The following FAM107B variants were observed in gnomAD, a reference collection of about 807,000 sequenced individuals.
FAM107B encodes the protein family with sequence similarity 107 member B.
A neutral mutation model predicts 31.5 loss-of-function variants in FAM107B; 21 were observed. That is an observed-to-expected ratio of 0.67 (90% confidence interval 0.47 to 0.96). FAM107B has a LOEUF of 0.96. FAM107B is among the 40% of genes least tolerant of loss of function. The probability of loss-of-function intolerance (pLI) is 0.00; values close to 1 mark genes in which losing one functional copy is unlikely to be tolerated. For synonymous variants in FAM107B, 157 were observed against 141.5 expected (o/e 1.11, Z -0.78); for missense variants, 452 against 377.1 (o/e 1.20, Z -1.64).
chr10:14,566,874 G>A (rs562636944), intron 2 of FAM107B, among the ~76,000 whole-genome samples: 27 of 152,302 alleles, frequency 1.8e-4, no homozygotes, highest in Non-Finnish European at 2.2e-4. Flanking sequence ...AGGTGGGGCC[G>A]GGCGCGGTGG....
chr10:14,551,396 T>C (rs1849249686), intron 2 of FAM107B, among the ~76,000 whole-genome samples: 1 of 152,112 alleles, frequency 6.6e-6, no homozygotes, highest in Non-Finnish European at 1.5e-5. Context: ...CTGCCCGCCT[T>C]GGTCTCCCAA....
intron 1 of FAM107B, among the ~76,000 whole-genome samples, chr10:14,727,713 G>T (rs1205700043): frequency 6.6e-6 from 1 of 152,060 alleles, no homozygotes; most frequent in African/African-American, 2.4e-5. Context: ...TCCCTTCCTC[G>T]AATCACTTCC....
chr10:14,592,662 T>C (rs929731294), intron 2 of FAM107B, among the ~76,000 whole-genome samples: 1 of 152,224 alleles, frequency 6.6e-6, no homozygotes, highest in African/African-American at 2.4e-5. Flanking sequence ...CCCTGCAATT[T>C]CAATTTTACT....
At chr10:14,720,801 C>G (rs1196878196) in intron 1 of FAM107B, among the ~76,000 whole-genome samples, 1 of 152,090 alleles carries the variant, frequency 6.6e-6, no homozygotes, top group African/African-American at 2.4e-5. Context: ...TTTCCCCTCC[C>G]TGTAGAATAT....
intron 1 of FAM107B, among the ~76,000 whole-genome samples, chr10:14,745,578 C>T (rs887363700): frequency 1.3e-5 from 2 of 152,144 alleles, no homozygotes; most frequent in African/African-American, 2.4e-5. Context: ...CATTCAGGAG[C>T]AAATTGTTCG....
chr10:14,766,727 C>T (rs1833169612), intron 1 of FAM107B, among the ~76,000 whole-genome samples: 1 of 151,526 alleles, frequency 6.6e-6, no homozygotes, highest in African/African-American at 2.4e-5. Flanking sequence ...ATCAAAGTAG[C>T]CCCTCTTCAC....
At chr10:14,577,776 C>T (rs1364310130) in intron 2 of FAM107B, among the ~76,000 whole-genome samples, 1 of 152,144 alleles carries the variant, frequency 6.6e-6, no homozygotes, top group East Asian at 1.9e-4. Flanking sequence ...ATGTTTTTAA[C>T]CCCCAATGTG....
intron 1 of FAM107B, among the ~76,000 whole-genome samples, chr10:14,720,132 T>C (rs1204100422): frequency 6.6e-6 from 1 of 152,228 alleles, no homozygotes; most frequent in East Asian, 1.9e-4. Flanking sequence ...ATGAAAGAGC[T>C]AGACTAGATG....
At chr10:14,543,350 G>C (rs542658666) in intron 2 of FAM107B, among the ~76,000 whole-genome samples, 2 of 152,150 alleles carry the variant, frequency 1.3e-5, no homozygotes, top group African/African-American at 4.8e-5. Flanking sequence ...AAACATGACT[G>C]GCACAGAAGT....
At chr10:14,583,285 C>T (rs1309718128) in intron 2 of FAM107B, among the ~76,000 whole-genome samples, 2 of 152,100 alleles carry the variant, frequency 1.3e-5, no homozygotes, top group African/African-American at 4.8e-5. Context: ...CATATCCCTT[C>T]TGCTTGGCTA....
At chr10:14,558,240 C>A (rs977125995) in intron 2 of FAM107B, among the ~76,000 whole-genome samples, 1 of 151,984 alleles carries the variant, frequency 6.6e-6, no homozygotes, top group Non-Finnish European at 1.5e-5. Flanking sequence ...CATGCGCACA[C>A]TCACATACGT....
intron 2 of FAM107B, among the ~76,000 whole-genome samples, chr10:14,621,231 G>C (rs897185149): frequency 1.3e-5 from 2 of 152,132 alleles, no homozygotes; most frequent in Non-Finnish European, 2.9e-5. Context: ...CCAGTGAGGA[G>C]AGTGAGATTT....
intron 2 of FAM107B, among the ~76,000 whole-genome samples, chr10:14,570,344 A>G (rs1851109842): frequency 6.6e-6 from 1 of 152,012 alleles, no homozygotes; most frequent in Non-Finnish European, 1.5e-5. Context: ...CAGGGTGGTT[A>G]CACAGTGTAT....
chr10:14,754,474 A>G (rs561366359), intron 1 of FAM107B, among the ~76,000 whole-genome samples: 1 of 152,238 alleles, frequency 6.6e-6, no homozygotes, highest in South Asian at 2.1e-4. Context: ...GAGTTTTTCT[A>G]TGGTTGGAAA....
chr10:14,712,957 C>G (rs1456751514), intron 1 of FAM107B, among the ~76,000 whole-genome samples: 1 of 152,016 alleles, frequency 6.6e-6, no homozygotes, highest in Non-Finnish European at 1.5e-5. Context: ...CTTCCTGGAC[C>G]CTCTTCCTAC....
intron 3 of FAM107B, among the ~76,000 whole-genome samples, chr10:14,529,016 A>G (rs1198731937): frequency 6.6e-6 from 1 of 152,210 alleles, no homozygotes; most frequent in Non-Finnish European, 1.5e-5. Flanking sequence ...AAGGGAACTG[A>G]GGCCAAAGAG....
intron 2 of FAM107B, among the ~76,000 whole-genome samples, chr10:14,543,690 T>TC (rs1564546832): frequency 1.2e-4 from 8 of 68,332 alleles, no homozygotes; most frequent in Middle Eastern, 7.1e-3. Flanking sequence ...CCTAAAAACT[T>TC]TAAAAAAAAA....
intron 2 of FAM107B, among the ~76,000 whole-genome samples, chr10:14,580,614 C>G (rs1015830666): frequency 5.3e-5 from 8 of 152,012 alleles, no homozygotes; most frequent in Admixed American, 2.0e-4. Context: ...ACACAAGGAA[C>G]AGCGCACTAC....
At chr10:14,538,354 G>A (rs905093535) in intron 2 of FAM107B, among the ~76,000 whole-genome samples, 10 of 152,226 alleles carry the variant, frequency 6.6e-5, no homozygotes, top group Non-Finnish European at 1.3e-4. Context: ...ACAGCGGTGT[G>A]CTGACATAGT....
Sources: gnomAD v4.1 joint callset for allele counts (sites outside exome capture counted in the v4.1 genomes callset) on GRCh38, gnomAD v4.1.1 for gene constraint, MANE v1.5 for transcripts, NCBI Gene and HGNC (gene_info 2026-07-23, HGNC 2026-07-21) for gene names.